The following LRRC7 variants were observed in gnomAD, a reference collection of about 807,000 sequenced individuals.
LRRC7 encodes the protein leucine-rich repeat-containing protein 7.
A neutral mutation model predicts 175.7 loss-of-function variants in LRRC7; 23 were observed. That is an observed-to-expected ratio of 0.13 (90% CI 0.09 to 0.19). LRRC7 has a LOEUF of 0.19. Among genes scored for constraint, LRRC7 ranks in the 10% least tolerant of loss-of-function variants. The probability of loss-of-function intolerance (pLI) is 1.00; values close to 1 mark genes in which losing one functional copy is unlikely to be tolerated. For missense variants in LRRC7, 1,354 were observed against 1,904.7 expected, an observed-to-expected ratio of 0.71 and a Z score of 5.38; for synonymous variants, 685 against 680.9, an observed-to-expected ratio of 1.01 and a Z score of -0.09.
intron 7 of LRRC7, among the ~76,000 whole-genome samples, chr1:69,927,769 C>A (rs947807895): frequency 6.6e-6 from 1 of 152,070 alleles, no homozygotes; most frequent in South Asian, 2.1e-4. Flanking sequence ...TCCTGTCGTT[C>A]GGAGTAGTTT....
At chr1:69,670,953 G>A (rs1311466782) in intron 1 of LRRC7, among the ~76,000 whole-genome samples, 3 of 152,162 alleles carry the variant, frequency 2.0e-5, no homozygotes, top group Non-Finnish European at 4.4e-5. Context: ...TGTCATGCAG[G>A]AGTCGAGGCC....
At chr1:69,641,836 CTGTA>C (rs1249387478) in intron 1 of LRRC7, among the ~76,000 whole-genome samples, 1 of 151,624 alleles carries the variant, frequency 6.6e-6, no homozygotes, top group East Asian at 1.9e-4. Flanking sequence ...TAATTTAAAA[CTGTA>C]TGGTGACATA....
intron 22 of LRRC7, 129 bp from the exon 23 acceptor site, chr1:70,052,897 A>C: frequency 3.5e-6 from 3 of 847,694 alleles, no homozygotes; most frequent in Non-Finnish European, 3.4e-6. Context: ...TAATATTTGC[A>C]GTTCAGGATG....
chr1:70,116,564 A>AC (rs1242489836), intron 26 of LRRC7, among the ~76,000 whole-genome samples: 8 of 151,636 alleles, frequency 5.3e-5, no homozygotes, highest in African/African-American at 1.9e-4. Flanking sequence ...AAAAAAAAAA[A>AC]ACACAGAAAT....
chr1:69,909,462 C>G (rs998638385), intron 7 of LRRC7, among the ~76,000 whole-genome samples: 12 of 152,050 alleles, frequency 7.9e-5, no homozygotes, highest in African/African-American at 2.9e-4. Context: ...TTAGGGCAGG[C>G]CTGGGGGTGA....
chr1:69,840,163 C>CA (rs1356816770), intron 7 of LRRC7, among the ~76,000 whole-genome samples: 2 of 151,736 alleles, frequency 1.3e-5, no homozygotes, highest in Non-Finnish European at 2.9e-5. Context: ...ACTCACAGGC[C>CA]AAAATCTAAA....
chr1:70,039,809 C>A lies in LRRC7; in HGVS notation c.3969+16C>A. 6.4e-7 allele frequency: 1 copy of A among 1,551,706 alleles called. No homozygotes were observed. The highest frequency in any genetic ancestry group is 8.7e-7 in the Non-Finnish European group (1 of 1,153,388). On this transcript the variant is annotated intron_variant, in intron 21 of 26. Transcript: ENST00000651989. ...GTTAGACAGGGTATGTCTGGTGTTT[C>A]TCTGTAAGAATATCCCTCCTGCCTT...
In LRRC7 at chr1:70,123,020, C is replaced by A; in HGVS notation, c.*1133C>A. 6.6e-6 allele frequency: 1 copy of A among 152,342 alleles called. No homozygotes were observed. Among genetic ancestry groups the A allele is most frequent in the East Asian group, 1.9e-4 (1 of 5,198 alleles). 9.4% of individuals were successfully genotyped at this position (152,342 alleles called of 1,614,324 possible). A position where few individuals can be genotyped will look rare whatever the true frequency, so the allele number is the denominator to read the frequency against. ...TAATTTCAATGGCTGTTTTTCTGGG[C>A]AGAAATAGATAAAATACTTTTTTTC... On this transcript the variant is annotated 3_prime_UTR_variant, in exon 27 of 27. Coordinates refer to ENST00000651989, the MANE Select transcript of LRRC7 (RefSeq NM_001370785.2).
chr1:69,935,735 A>G (rs1391373884), intron 8 of LRRC7, among the ~76,000 whole-genome samples: 1 of 152,116 alleles, frequency 6.6e-6, no homozygotes, highest in African/African-American at 2.4e-5. Flanking sequence ...TGTTGTCTGT[A>G]GGTACTACAA....
At chr1:69,865,496 A>C (rs1294168327) in intron 7 of LRRC7, among the ~76,000 whole-genome samples, 2 of 2,308 alleles carry the variant, frequency 8.7e-4, no homozygotes, top group African/African-American at 1.5e-3. Context: ...TTTTTTTTTG[A>C]AACGGAGTCC....
intron 17 of LRRC7, among the ~76,000 whole-genome samples, chr1:70,027,959 A>G (rs1658299125): frequency 6.6e-6 from 1 of 152,176 alleles, no homozygotes; most frequent in Admixed American, 6.6e-5. Context: ...ATTCAAAATT[A>G]GTTTATAATC....
At chr1:69,717,973 GA>G (rs1665797831) in intron 2 of LRRC7, among the ~76,000 whole-genome samples, 1 of 107,240 alleles carries the variant, frequency 9.3e-6, no homozygotes, top group Non-Finnish European at 1.9e-5. Context: ...AAGAAAGAAA[GA>G]GAAAGAAAGA....
Position 70,023,273 on chromosome 1 carries a change from G to A in LRRC7, c.1693G>A (p.Ala565Thr). ...MPVPQNDPQLAWGCISGLQQE... is the reference protein window; with the variant it reads ...MPVPQNDPQLTWGCISGLQQE... Reference sequence around the variant, plus strand: ...CGTCCCCCAGAATGACCCACAGCTGGCATGGGGTTGTATAAGTGGCCTCCA... The same window carrying A: ...CGTCCCCCAGAATGACCCACAGCTGACATGGGGTTGTATAAGTGGCCTCCA... Residue 565 changes from alanine to threonine, a missense_variant, in exon 17 of 27, where the codon GCA becomes ACA. Ala to Thr is a moderately conservative substitution (Grantham distance 58). Around this residue, in one of 4 missense-constraint regions of LRRC7, gnomAD observed 1,032 missense variants for 1,227.2 expected, o/e 0.84. Coordinates refer to ENST00000651989, the MANE Select transcript of LRRC7 (RefSeq NM_001370785.2). 6.2e-7 allele frequency: 1 copy of A among 1,613,484 alleles called. No individual in the cohort carries two copies. The highest frequency in any genetic ancestry group is 2.2e-5 in the East Asian group (1 of 44,798).
At chr1:69,888,205 C>G (rs1645711896) in intron 7 of LRRC7, among the ~76,000 whole-genome samples, 1 of 151,964 alleles carries the variant, frequency 6.6e-6, no homozygotes, top group Admixed American at 6.6e-5. Context: ...TGGCGGTCGC[C>G]CCTCCCCCAG....
intron 1 of LRRC7, among the ~76,000 whole-genome samples, chr1:69,673,782 A>T (rs1277930014): frequency 6.6e-6 from 1 of 151,866 alleles, no homozygotes; most frequent in East Asian, 1.9e-4. Flanking sequence ...GACTTTTAGT[A>T]TTTTTTTTAT....
chr1:70,027,938 G>A (rs926754322), intron 17 of LRRC7, among the ~76,000 whole-genome samples: 4 of 152,130 alleles, frequency 2.6e-5, no homozygotes, highest in Non-Finnish European at 5.9e-5. Flanking sequence ...TAGGTCTAAA[G>A]ACAGAATATG....
chr1:69,756,978 G>A (rs547234202), intron 2 of LRRC7, among the ~76,000 whole-genome samples: 3 of 151,954 alleles, frequency 2.0e-5, no homozygotes, highest in South Asian at 4.2e-4. Context: ...AAATTCAGGG[G>A]GAAAAACCCC....
At chr1:69,901,378 G>A (rs1222563386) in intron 7 of LRRC7, among the ~76,000 whole-genome samples, 1 of 152,182 alleles carries the variant, frequency 6.6e-6, no homozygotes, top group Non-Finnish European at 1.5e-5. Context: ...TGGGAGCATA[G>A]TAGTAATACT....
Position 69,674,988 on chromosome 1 carries a change from A to G in LRRC7, c.3-3393A>G, listed in dbSNP as rs1659577425. Among the ~76,000 whole-genome samples the G allele has an allele frequency of 2.6e-5, 4 of 152,296 alleles. No homozygotes were observed. The South Asian group carries it at 8.3e-4, about 32-fold the overall frequency. ...CGCAAAGCATTTTACATGTGTTACC[A>G]TATTTAATCCTCACAACAATCCTGT... On this transcript the variant is annotated intron_variant, in intron 1 of 26. Transcript: ENST00000651989.
Sources: gnomAD v4.1 joint callset for allele counts (sites outside exome capture counted in the v4.1 genomes callset) on GRCh38, gnomAD v4.1.1 for gene constraint, gnomAD v4.1.1 regional missense constraint, MANE v1.5 for transcripts, NCBI Gene and HGNC (gene_info 2026-07-23, HGNC 2026-07-21) for gene names.